DHDDS: variants seen among roughly 807,000 people sequenced by gnomAD.
DHDDS encodes dehydrodolichyl diphosphate synthase subunit.
In DHDDS, 16 loss-of-function variants were observed where a neutral mutation model predicts 46.2. That is an observed-to-expected ratio of 0.35 (90% CI 0.23 to 0.53). DHDDS has a LOEUF of 0.53. DHDDS is among the 20% of genes least tolerant of loss of function. DHDDS has a pLI of 0.94. For missense variants in DHDDS, 340 were observed against 423.7 expected, an observed-to-expected ratio of 0.80 and a Z score of 1.73; for synonymous variants, 151 against 163.1, an observed-to-expected ratio of 0.93 and a Z score of 0.56.
At chr1:26,459,954 CCTG>C (rs1482190376) in intron 7 of DHDDS, 80 bp from the exon 8 acceptor site, 3 of 1,140,688 alleles carry the variant, frequency 2.6e-6, no homozygotes, top group Non-Finnish European at 4.0e-6. Flanking sequence ...TCCTGCTTAG[CCTG>C]CTTTTTCCCT....
rs751817404 is a variant in DHDDS at position 26,438,178 on chromosome 1, T to A, written c.74T>A (p.Met25Lys). The change falls in exon 3 of 9, where the codon ATG (methionine) becomes AAG (lysine). Residue 25 changes from methionine to lysine, a missense_variant. By Grantham distance (95) the Met-to-Lys change is moderately conservative (BLOSUM62 -1). Around this residue, in one of 2 missense-constraint regions of DHDDS, gnomAD observed 72 missense variants for 123.5 expected, o/e 0.58. Coordinates refer to ENST00000236342, the MANE Select transcript of DHDDS (RefSeq NM_205861.3). The part of the protein sequence containing the change: ...FCANIIKAGP[M>K]PKHIAFIMDG... The stretch of plus-strand genomic sequence containing the variant: ...CTTCCTATTCCACAGGCAGGCCCAA[T>A]GCCGAAACACATTGCATTCATAATG... 6.2e-7 allele frequency: 1 copy of A among 1,613,874 alleles called. No homozygotes were observed. The highest frequency in any genetic ancestry group is 1.1e-5 in the South Asian group (1 of 91,066).
intron 6 of DHDDS, among the ~76,000 whole-genome samples, chr1:26,449,309 G>A (rs974793826): frequency 8.6e-5 from 13 of 151,384 alleles, no homozygotes; most frequent in African/African-American, 1.9e-4. Flanking sequence ...CCATGTTGGC[G>A]AGGCTGGTCT....
chr1:26,467,319 C>T (rs1479221735), intron 8 of DHDDS: 2 of 471,544 alleles, frequency 4.2e-6, no homozygotes, highest in Admixed American at 4.7e-5. Flanking sequence ...TGACCAAGGC[C>T]TGGAAGAAGC....
chr1:26,467,270 C>T, intron 8 of DHDDS: 1 of 466,114 alleles, frequency 2.1e-6, no homozygotes. Context: ...TCTCCATATC[C>T]TCAAAAAAAA....
At chr1:26,466,107 C>T (rs2075482884) in intron 8 of DHDDS, 1 of 152,120 alleles carries the variant, frequency 6.6e-6, no homozygotes, top group African/African-American at 2.4e-5. Context: ...AGGTTAGAAC[C>T]ACATTTCTCA....
At chr1:26,460,538 A>T (rs1230491623) in intron 8 of DHDDS, among the ~76,000 whole-genome samples, 2 of 152,232 alleles carry the variant, frequency 1.3e-5, no homozygotes, top group Non-Finnish European at 2.9e-5. Context: ...TACCCTAATA[A>T]AAGATCGTAG....
At chr1:26,436,033 A>G (rs1050337543) in intron 2 of DHDDS, among the ~76,000 whole-genome samples, 1 of 151,282 alleles carries the variant, frequency 6.6e-6, no homozygotes, top group Non-Finnish European at 1.5e-5. Context: ...TACAGACGTG[A>G]GCCACTGCAC....
chr1:26,446,547 G>A (rs915293718), intron 5 of DHDDS, 115 bp downstream of exon 5: 8 of 941,478 alleles, frequency 8.5e-6, no homozygotes, highest in East Asian at 7.4e-5. Flanking sequence ...CAATGAGAGA[G>A]TAGGTTGAGC....
chr1:26,454,127 G>A (rs2075347804), intron 6 of DHDDS, among the ~76,000 whole-genome samples: 2 of 151,992 alleles, frequency 1.3e-5, no homozygotes, highest in Non-Finnish European at 2.9e-5. Flanking sequence ...CTAATTTTTT[G>A]TATTTTTAGT....
At position 26,442,741 on chromosome 1, in the gene DHDDS, G is replaced by C. The variant is rs756507508; in HGVS notation, c.191G>C (p.Trp64Ser). 1 of 1,614,056 alleles carries C rather than the reference G, an allele frequency of 6.2e-7. No homozygotes were observed. The highest frequency in any genetic ancestry group is 1.7e-5 in the Admixed American group (1 of 60,004). Residue 64 changes from tryptophan (W) to serine (S), a missense_variant, in exon 4 of 9, where the codon TGG becomes TCG. Physicochemically the swap from Trp to Ser is radical, Grantham distance 177. Transcript: ENST00000236342. ...GFNKLAETLR[W>S]CLNLGILEVT... The stretch of plus-strand genomic sequence containing the variant: ...CTTCTCCCCTCTCAGACTCTGCGGT[G>C]GTGTTTGAACCTGGGCATCCTAGAG...
chr1:26,435,261 C>T (rs979066938), intron 2 of DHDDS, among the ~76,000 whole-genome samples: 2 of 151,822 alleles, frequency 1.3e-5, no homozygotes, highest in African/African-American at 2.4e-5. Context: ...CCACCCGCCT[C>T]GGCCTCCCAA....
intron 8 of DHDDS, among the ~76,000 whole-genome samples, chr1:26,463,134 G>C (rs1447469176): frequency 6.6e-6 from 1 of 152,154 alleles, no homozygotes; most frequent in East Asian, 1.9e-4. Context: ...GGGGATGACG[G>C]GATCTGAGTT....
rs754699307 is a variant in DHDDS at position 26,447,730 on chromosome 1, T to C, written c.542+70T>C. ...CTGGGCCAGCATGGCAGCTCACGCCTGTAATCCTAGCACATTAGGAGGCCG... is the reference window on the plus strand; with the variant it reads ...CTGGGCCAGCATGGCAGCTCACGCCCGTAATCCTAGCACATTAGGAGGCCG... On this transcript the variant is annotated intron_variant, in intron 6 of 8. Coordinates refer to ENST00000236342, the MANE Select transcript of DHDDS (RefSeq NM_205861.3). 1.4e-5 allele frequency: 20 copies of C among 1,411,036 alleles called. No individual in the cohort carries two copies. The East Asian group carries it at 4.7e-4, about 33-fold the overall frequency. The allele number at this position is 1,411,036 out of a possible 1,614,324, so 87.4% of individuals were successfully genotyped here.
At chr1:26,454,460 G>A (rs916762007) in intron 6 of DHDDS, among the ~76,000 whole-genome samples, 7 of 152,024 alleles carry the variant, frequency 4.6e-5, no homozygotes, top group Non-Finnish European at 5.9e-5. Flanking sequence ...AAGTTGGTGG[G>A]ACTGAAAATA....
chr1:26,458,636 A>T (rs1444561331), intron 7 of DHDDS, among the ~76,000 whole-genome samples: 1 of 151,480 alleles, frequency 6.6e-6, no homozygotes, highest in Non-Finnish European at 1.5e-5. Context: ...TACTTAGGTG[A>T]ATGAGGTGGG....
intron 6 of DHDDS, among the ~76,000 whole-genome samples, chr1:26,451,404 A>ATATG (rs1491347308): frequency 7.4e-6 from 1 of 135,954 alleles, no homozygotes; most frequent in Non-Finnish European, 1.6e-5. Flanking sequence ...ATGTATGTAG[A>ATATG]TGTGTGTGTG....
chr1:26,443,002 G>C (rs2075233815), intron 4 of DHDDS, 129 bp downstream of exon 4: 2 of 1,488,502 alleles, frequency 1.3e-6, no homozygotes, highest in Non-Finnish European at 1.8e-6. Flanking sequence ...TAGATATCTT[G>C]GGTGGCAAAT....
Position 26,438,159 on chromosome 1 carries a change from A to T in DHDDS, c.64-9A>T. 6.2e-7 allele frequency: 1 copy of T among 1,613,372 alleles called. No homozygotes were observed. The highest frequency in any genetic ancestry group is 8.5e-7 in the Non-Finnish European group (1 of 1,179,478). ...AGACCTGTTCATCATTTGTCTTCCT[A>T]TTCCACAGGCAGGCCCAATGCCGAA... On this transcript the variant is annotated splice_polypyrimidine_tract_variant and intron_variant, in intron 2 of 8. Coordinates refer to ENST00000236342, the MANE Select transcript of DHDDS (RefSeq NM_205861.3).
At chr1:26,455,858 G>A (rs1398984128) in intron 6 of DHDDS, among the ~76,000 whole-genome samples, 2 of 152,132 alleles carry the variant, frequency 1.3e-5, no homozygotes, top group Non-Finnish European at 2.9e-5. Context: ...CCAGAAACAT[G>A]TTCCCACCAA....
Sources: allele counts gnomAD v4.1 joint callset (sites outside exome capture counted in the v4.1 genomes callset), GRCh38; gene constraint gnomAD v4.1.1; regional missense constraint gnomAD v4.1.1; transcripts MANE v1.5; gene names NCBI Gene and HGNC (gene_info 2026-07-23, HGNC 2026-07-21).